CACNA1D: variants seen among roughly 807,000 people sequenced by gnomAD.
The protein encoded by CACNA1D is calcium voltage-gated channel subunit alpha1 D, also known as voltage-dependent L-type calcium channel subunit alpha-1D.
In CACNA1D, 55 loss-of-function variants were observed where a neutral mutation model predicts 257.1. That is an observed-to-expected ratio of 0.21 (90% CI 0.17 to 0.27). The LOEUF is 0.27. Ranked by LOEUF, CACNA1D falls within the 10% of genes least tolerant of loss-of-function variation. The pLI, the probability that CACNA1D is intolerant of heterozygous loss-of-function variation, is 1.00. For synonymous variants in CACNA1D, 980 were observed against 1,014.9 expected (o/e 0.97, Z 0.65); for missense variants, 1,876 against 2,784.0 (o/e 0.67, Z 7.34).
At position 53,813,252 on chromosome 3, in the gene CACNA1D, A is replaced by C. The variant is rs2095608678; in HGVS notation, c.*1846A>C. The C allele has an allele frequency of 6.6e-6, 1 of 151,322 alleles. No individual in the cohort carries two copies. Among genetic ancestry groups the C allele is most frequent in the African/African-American group, 2.4e-5 (1 of 41,128 alleles). 9.4% of individuals were successfully genotyped at this position (151,322 alleles called of 1,614,324 possible). A position where few individuals can be genotyped will look rare whatever the true frequency, so the allele number is the denominator to read the frequency against. On this transcript the variant is annotated 3_prime_UTR_variant, in exon 48 of 48. Coordinates refer to ENST00000350061, the MANE Select transcript of CACNA1D (RefSeq NM_001128840.3). ...AAAAACACTTCAAGGTTTGTAAATG[A>C]CTCTTTCCTGACATAAATCCTTTTT...
intron 20 of CACNA1D, among the ~76,000 whole-genome samples, chr3:53,736,823 GC>G (rs2095061607): frequency 1.3e-5 from 2 of 151,754 alleles, no homozygotes; most frequent in Middle Eastern, 3.4e-3. Context: ...AGGAGGCTGA[GC>G]CTGAAGTCAG....
intron 39 of CACNA1D, chr3:53,781,902 G>A (rs1284878736): frequency 3.8e-6 from 2 of 528,946 alleles, no homozygotes; most frequent in Non-Finnish European, 6.7e-6. Flanking sequence ...CATGGCTGGA[G>A]CAGGGATTTT....
At chr3:53,708,166 T>C (rs948948360) in intron 9 of CACNA1D, among the ~76,000 whole-genome samples, 5 of 152,252 alleles carry the variant, frequency 3.3e-5, no homozygotes, top group Non-Finnish European at 7.3e-5. Flanking sequence ...CAGGACGTTA[T>C]AGCTGGTTGC....
intron 9 of CACNA1D, among the ~76,000 whole-genome samples, chr3:53,716,366 G>A (rs141665760): frequency 2.0e-5 from 3 of 152,182 alleles, no homozygotes; most frequent in South Asian, 2.1e-4. Context: ...GGAAAATGCC[G>A]CACAGAGTTA....
chr3:53,776,284 C>G (rs1239125692), intron 35 of CACNA1D, among the ~76,000 whole-genome samples: 1 of 152,210 alleles, frequency 6.6e-6, no homozygotes, highest in African/African-American at 2.4e-5. Context: ...ATCACCTTAG[C>G]TTCTTAGGGT....
chr3:53,698,569 T>C (rs1267901641), intron 8 of CACNA1D, among the ~76,000 whole-genome samples: 1 of 152,248 alleles, frequency 6.6e-6, no homozygotes, highest in Non-Finnish European at 1.5e-5. Context: ...GTATTTTCCC[T>C]TCATCTCATC....
intron 3 of CACNA1D, among the ~76,000 whole-genome samples, chr3:53,615,912 G>A (rs1304669406): frequency 6.6e-6 from 1 of 152,172 alleles, no homozygotes; most frequent in Non-Finnish European, 1.5e-5. Context: ...TAGCAGGTTT[G>A]CTGCAGTTTC....
chr3:53,786,923 C>A lies in CACNA1D; in HGVS notation c.4894C>A (p.Pro1632Thr), dbSNP rs1378631369. The change falls in exon 40 of 48, where the codon CCT becomes ACT. Residue 1632 changes from proline (P) to threonine (T), a missense_variant. By Grantham distance (38) the Pro-to-Thr change is conservative. This residue lies in a region of CACNA1D where 160 missense variants were observed against 236.6 expected (regional missense o/e 0.68). Coordinates refer to ENST00000350061, the MANE Select transcript of CACNA1D (RefSeq NM_001128840.3). ...RKEQGLVGKY[P>T]AKNTTIALQA... is the part of the protein sequence containing the mutation. ...AGAACAAGGACTGGTGGGAAAGTAC[C>A]CTGCGAAGAACACCACAATTGCCCT... 6.2e-7 allele frequency: 1 copy of A among 1,613,912 alleles called. No homozygotes were observed. The highest frequency in any genetic ancestry group is 1.3e-5 in the African/African-American group (1 of 74,900).
intron 14 of CACNA1D, 142 bp from the exon 15 acceptor site, chr3:53,726,737 G>A: frequency 1.1e-6 from 1 of 897,834 alleles, no homozygotes; most frequent in East Asian, 2.4e-5. Flanking sequence ...GAAATTCCAT[G>A]GGATAACAGA....
chr3:53,711,905 G>T (rs2094760958), intron 9 of CACNA1D, among the ~76,000 whole-genome samples: 1 of 152,212 alleles, frequency 6.6e-6, no homozygotes, highest in Non-Finnish European at 1.5e-5. Flanking sequence ...GCAGAGTTGG[G>T]GCTGCCTTTT....
intron 19 of CACNA1D, among the ~76,000 whole-genome samples, chr3:53,733,839 C>T (rs2095024196): frequency 6.6e-6 from 1 of 151,176 alleles, no homozygotes; most frequent in Non-Finnish European, 1.5e-5. Context: ...GTAGCTTTTA[C>T]AGCTCACCAC....
chr3:53,545,289 C>T (rs539445163), intron 3 of CACNA1D, among the ~76,000 whole-genome samples: 2 of 152,300 alleles, frequency 1.3e-5, no homozygotes, highest in South Asian at 2.1e-4. Flanking sequence ...AGTAATGGGC[C>T]GATGATGATT....
chr3:53,532,623 A>G (rs2091984855), intron 3 of CACNA1D, among the ~76,000 whole-genome samples: 1 of 152,226 alleles, frequency 6.6e-6, no homozygotes, highest in African/African-American at 2.4e-5. Context: ...CCTATTGACT[A>G]GAATTTGAGA....
At chr3:53,746,938 C>T (rs963252398) in intron 25 of CACNA1D, among the ~76,000 whole-genome samples, 2 of 152,118 alleles carry the variant, frequency 1.3e-5, no homozygotes, top group African/African-American at 4.8e-5. Flanking sequence ...TTTCCTAGAG[C>T]CTACAGAGTT....
chr3:53,753,585 C>G lies in CACNA1D; in HGVS notation c.3689C>G (p.Ser1230Cys), dbSNP rs1206899042. 3.7e-6 allele frequency: 6 copies of G among 1,607,412 alleles called. No individual in the cohort carries two copies. The highest frequency in any genetic ancestry group is 5.1e-6 in the Non-Finnish European group (6 of 1,173,980). Reference protein sequence around the residue: ...LCLAMQHYEQSKMFNDAMDIL... With the variant: ...LCLAMQHYEQCKMFNDAMDIL... ...CTTCATCCATAGCACTACGAGCAGT[C>G]CAAGATGTTCAATGATGCCATGGAC... is the stretch of plus-strand genomic sequence containing the variant. The change falls in exon 29 of 48, where the codon TCC (serine) becomes TGC (cysteine). Residue 1230 changes from serine (S) to cysteine (C), a missense_variant. Ser to Cys is a moderately radical substitution (Grantham distance 112, BLOSUM62 -1). Coordinates refer to ENST00000350061, the MANE Select transcript of CACNA1D (RefSeq NM_001128840.3).
chr3:53,726,741 T>A, intron 14 of CACNA1D, 138 bp from the exon 15 acceptor site: 1 of 933,292 alleles, frequency 1.1e-6, no homozygotes. Flanking sequence ...TTCCATGGGA[T>A]AACAGATGGA....
rs565990277 is a variant in CACNA1D at position 53,541,697 on chromosome 3, G to A, written c.483+39977G>A. Among the ~76,000 whole-genome samples the A allele has an allele frequency of 2.8e-3, 431 of 152,180 alleles. 3 individuals are homozygous for A. The highest frequency in any genetic ancestry group is 4.9e-3 in the Non-Finnish European group (332 of 68,026). On this transcript the variant is annotated intron_variant, in intron 3 of 47. Transcript: ENST00000350061. ...ATATCTGTTTTTCTTCAGATGTTTC[G>A]TGAGCACCTGTGTTCTGGGGAATAG...
intron 3 of CACNA1D, among the ~76,000 whole-genome samples, chr3:53,533,453 G>A (rs1331567876): frequency 1.3e-5 from 2 of 152,176 alleles, no homozygotes; most frequent in African/African-American, 2.4e-5. Flanking sequence ...CCTATCAGAT[G>A]GTCTTTGCAG....
At chr3:53,689,337 G>T (rs1191894946) in intron 8 of CACNA1D, among the ~76,000 whole-genome samples, 4 of 151,998 alleles carry the variant, frequency 2.6e-5, no homozygotes, top group Non-Finnish European at 5.9e-5. Flanking sequence ...TACCCACTGA[G>T]AGAGGCAGGG....
Sources: gnomAD v4.1 joint callset for allele counts (sites outside exome capture counted in the v4.1 genomes callset) on GRCh38, gnomAD v4.1.1 for gene constraint, gnomAD v4.1.1 regional missense constraint, MANE v1.5 for transcripts, NCBI Gene and HGNC (gene_info 2026-07-23, HGNC 2026-07-21) for gene names.